ANO7: variants seen among roughly 807,000 people sequenced by gnomAD.
ANO7 encodes the protein anoctamin 7.
In ANO7, 114 loss-of-function variants were observed where a neutral mutation model predicts 115.8. That is an observed-to-expected ratio of 0.98 (90% confidence interval 0.85 to 1.15). The LOEUF is 1.15. Among genes scored for constraint, ANO7 ranks in the 50% most tolerant of loss-of-function variants. The pLI is 0.00. For missense variants in ANO7, 1,302 were observed against 1,201.2 expected, an observed-to-expected ratio of 1.08 and a Z score of -1.24; for synonymous variants, 550 against 498.2, an observed-to-expected ratio of 1.10 and a Z score of -1.38.
rs189111253 is a variant in ANO7, at chr2:241,208,966, G to C, written c.1078-319G>C. ...AGATCGAGACCATCCTGGCTAACAC[G>C]GTGAAACCTCGTCTCTACTAAAAAT... On this transcript the variant is annotated intron_variant, in intron 11 of 24. Coordinates refer to ENST00000674324, the MANE Select transcript of ANO7 (RefSeq NM_001370694.2). Among the ~76,000 whole-genome samples, 53 of 152,228 alleles carry C rather than the reference G, an allele frequency of 3.5e-4. No individual in the cohort carries two copies. In the East Asian group the frequency reaches 9.9e-3, roughly 28 times the overall value.
chr2:241,237,105 A>G, the ANO7 span, among the ~76,000 whole-genome samples: 1 of 152,026 alleles, frequency 6.6e-6, no homozygotes, highest in African/African-American at 2.4e-5. Context: ...AGATCAGATG[A>G]GTTAGTTCAT....
chr2:241,233,755 T>C, the ANO7 span: 1 of 1,596,110 alleles, frequency 6.3e-7, no homozygotes, highest in Non-Finnish European at 8.6e-7. The surrounding 1 kb of genome is among the most constrained non-coding windows in gnomAD (Gnocchi z 4.3). Context: ...TGGTTACTGC[T>C]CCCAAGTCAC....
Position 241,210,572 on chromosome 2 carries a change from T to C in ANO7, c.1561+2T>C. 1 of 1,612,846 alleles carries C rather than the reference T, an allele frequency of 6.2e-7. No homozygotes were observed. Among genetic ancestry groups the C allele is most frequent in the African/African-American group, 1.3e-5 (1 of 75,020 alleles). On this transcript the variant is annotated splice_donor_variant, in intron 15 of 24. Transcript: ENST00000674324. LOFTEE classifies it high-confidence loss of function. ...TGGCCCACGTCCTGACACGATGGGGTGAGTGGGCTGAGGCCGGCCAGGCAC... is the reference window on the plus strand; with the variant it reads ...TGGCCCACGTCCTGACACGATGGGGCGAGTGGGCTGAGGCCGGCCAGGCAC...
At chr2:241,236,986 G>T in the ANO7 span, among the ~76,000 whole-genome samples, 9 of 150,370 alleles carry the variant, frequency 6.0e-5, no homozygotes, top group South Asian at 2.2e-4. Context: ...TTGGGGGGGG[G>T]GGGGGGGGCG....
rs1033773741 is a variant in ANO7 at position 241,210,518 on chromosome 2, C to T, written c.1509C>T (p.Ile503=). ...GGTCTGTAGTGAACCTCGTCTTCAT[C>T]CTCATCCTCTCCAAGATCTATGTAT... ...LTGSVVNLVF[I]LILSKIYVSL... is the part of the protein sequence containing the mutation. Residue 503 remains isoleucine (I), a synonymous_variant, in exon 15 of 25, where the codon ATC becomes ATT. Transcript: ENST00000674324. 3 of 1,613,858 alleles carry T rather than the reference C, an allele frequency of 1.9e-6. No individual in the cohort carries two copies. Among genetic ancestry groups the T allele is most frequent in the Non-Finnish European group, 1.7e-6 (2 of 1,179,974 alleles).
downstream of ANO7, chr2:241,229,342 C>A: frequency 2.5e-6 from 1 of 398,860 alleles, no homozygotes; most frequent in Non-Finnish European, 4.7e-6. Flanking sequence ...GGACCAGGAG[C>A]TGGAGTCTGT....
At chr2:241,204,384 C>T (rs1487996645) in intron 9 of ANO7, among the ~76,000 whole-genome samples, 4 of 118,160 alleles carry the variant, frequency 3.4e-5, no homozygotes, top group African/African-American at 1.3e-4. Flanking sequence ...CCTGGGGTAA[C>T]TGAGGGATTG....
intron 15 of ANO7, 48 bp downstream of exon 15, chr2:241,210,618 C>G: frequency 6.6e-7 from 1 of 1,508,626 alleles, no homozygotes; most frequent in South Asian, 1.1e-5. Context: ...CCCACCCTGC[C>G]GGCCGCCAGC....
chr2:241,206,922 A>T (rs2068605347), intron 10 of ANO7, among the ~76,000 whole-genome samples: 1 of 128,888 alleles, frequency 7.8e-6, no homozygotes, highest in Non-Finnish European at 1.6e-5. Context: ...ACAAGTGGAC[A>T]GGAGTGCTCC....
rs768821320 is a variant in ANO7, at chr2:241,202,252, T to A, written c.671T>A (p.Ile224Asn). ...YGHEKKNLLG[I>N]HQLLAEGVLS... ...CACGAGAAGAAAAACCTGCTTGGGATCCACCAGCTGCTGGCAGAGGGTGTC... is the reference window on the plus strand; with the variant it reads ...CACGAGAAGAAAAACCTGCTTGGGAACCACCAGCTGCTGGCAGAGGGTGTC... Residue 224 changes from isoleucine (I) to asparagine (N), a missense_variant, in exon 8 of 25, where the codon ATC (isoleucine) becomes AAC (asparagine). Physicochemically the swap from Ile to Asn is moderately radical, Grantham distance 149 (BLOSUM62 -3). Coordinates refer to ENST00000674324, the MANE Select transcript of ANO7 (RefSeq NM_001370694.2). The A allele has an allele frequency of 9.9e-6, 16 of 1,613,554 alleles. No homozygotes were observed. The highest frequency in any genetic ancestry group is 6.7e-5 in the Admixed American group (4 of 60,000).
chr2:241,230,582 T>A (rs1275214670), downstream of ANO7, among the ~76,000 whole-genome samples: 1 of 152,210 alleles, frequency 6.6e-6, no homozygotes, highest in Non-Finnish European at 1.5e-5. This position sits in a 1 kb window ranked among gnomAD's most constrained non-coding sequence, Gnocchi z 5.0. Flanking sequence ...CAGTGCAGCC[T>A]CACACAGGCC....
chr2:241,203,301 G>C lies in ANO7; in HGVS notation c.724-32G>C. 2 of 1,484,104 alleles carry C rather than the reference G, an allele frequency of 1.3e-6. No homozygotes were observed. The highest frequency in any genetic ancestry group is 1.8e-6 in the Non-Finnish European group (2 of 1,116,762). The allele number at this position is 1,484,104 out of a possible 1,614,324, so 91.9% of individuals were successfully genotyped here. A position where few individuals can be genotyped will look rare whatever the true frequency, so the allele number is the denominator to read the frequency against. On this transcript the variant is annotated intron_variant, in intron 8 of 24. Transcript: ENST00000674324. This position sits in a 1 kb window ranked among gnomAD's most constrained non-coding sequence, Gnocchi z 4.8. The stretch of plus-strand genomic sequence containing the variant: ...CAGTGCCCAGTGGGGTCAGCTGGGG[G>C]AGCCTCCCACCCACAGGCCGCTCGC...
chr2:241,238,009 G>A, the ANO7 span, among the ~76,000 whole-genome samples: 3 of 152,248 alleles, frequency 2.0e-5, no homozygotes, highest in East Asian at 5.8e-4. This position sits in a 1 kb window ranked among gnomAD's most constrained non-coding sequence, Gnocchi z 4.9. Flanking sequence ...CGCCCAAACA[G>A]CTCAACCAAG....
chr2:241,194,179 A>ATTTTT (rs59855055), intron 3 of ANO7, among the ~76,000 whole-genome samples: 2,401 of 123,834 alleles, frequency 0.019, 115 homozygotes, highest in East Asian at 0.16. Flanking sequence ...CTGGCCTTTA[A>ATTTTT]TTTTTTTTTT....
chr2:241,224,901 G>C lies in ANO7; in HGVS notation c.*748G>C, dbSNP rs947653567. On this transcript the variant is annotated 3_prime_UTR_variant, in exon 25 of 25. Transcript: ENST00000674324. ...TGGCCCCTGGCCCAGGGCCCCTCTTGCTGTTTTTACCTCTGTTCCTTGGGG... is the reference window on the plus strand; with the variant it reads ...TGGCCCCTGGCCCAGGGCCCCTCTTCCTGTTTTTACCTCTGTTCCTTGGGG... The C allele has an allele frequency of 6.6e-6, 1 of 152,300 alleles. No homozygotes were observed. The highest frequency in any genetic ancestry group is 1.5e-5 in the Non-Finnish European group (1 of 68,104). The allele number at this position is 152,300 out of a possible 1,614,324, so 9.4% of individuals were successfully genotyped here.
Position 241,224,429 on chromosome 2 carries a change from C to A in ANO7, c.*276C>A. The stretch of plus-strand genomic sequence containing the variant: ...CCAAGGGGCCCCTGCACCCAAGGGA[C>A]CCTGTCCCTCGGTGGCCTCCCCAGG... On this transcript the variant is annotated 3_prime_UTR_variant, in exon 25 of 25. Coordinates refer to ENST00000674324, the MANE Select transcript of ANO7 (RefSeq NM_001370694.2). The A allele has an allele frequency of 4.1e-6, 2 of 487,384 alleles. No homozygotes were observed. The highest frequency in any genetic ancestry group is 4.7e-5 in the South Asian group (2 of 42,626). 30.2% of individuals were successfully genotyped at this position (487,384 alleles called of 1,614,324 possible). A position where few individuals can be genotyped will look rare whatever the true frequency, so the allele number is the denominator to read the frequency against.
chr2:241,215,408 C>T lies in ANO7; in HGVS notation c.1826+506C>T, dbSNP rs116070381. On this transcript the variant is annotated intron_variant, in intron 18 of 24. Transcript: ENST00000674324. ...AAAGAGGCTGCCCAGGGCCTCGCCT[C>T]CCGCTCAAGGCCAGACTGACCTGAA... Among the ~76,000 whole-genome samples the T allele has an allele frequency of 6.7e-3, 1,020 of 152,338 alleles. 12 individuals are homozygous for T. The highest frequency in any genetic ancestry group is 0.023 in the African/African-American group (956 of 41,580).
At position 241,217,222 on chromosome 2, in the gene ANO7, G is replaced by A. The variant is rs1396448641; in HGVS notation, c.1973-464G>A. ...CGCGGCATCTGTGGAAAGGGAGCAG[G>A]CCAGTTCCCAGGGCGAGGAGTGGAC... On this transcript the variant is annotated intron_variant, in intron 19 of 24. Transcript: ENST00000674324. Among the ~76,000 whole-genome samples, 3 of 152,214 alleles carry A rather than the reference G, an allele frequency of 2.0e-5. No homozygotes were observed. The East Asian group carries it at 5.8e-4, about 29-fold the overall frequency.
chr2:241,203,777 A>C lies in ANO7; in HGVS notation c.889+279A>C, dbSNP rs182938507. ...GGGTCTCTCCTGACTCCCTCCCCGA[A>C]TGTCACTGGCCCATGAGGCCCTGGG... On this transcript the variant is annotated intron_variant, in intron 9 of 24. Coordinates refer to ENST00000674324, the MANE Select transcript of ANO7 (RefSeq NM_001370694.2). This position sits in a 1 kb window ranked among gnomAD's most constrained non-coding sequence, Gnocchi z 4.8. Among the ~76,000 whole-genome samples, 393 of 152,094 alleles carry C rather than the reference A, an allele frequency of 2.6e-3. 2 individuals carry two copies. Among genetic ancestry groups the C allele is most frequent in the African/African-American group, 9.0e-3 (375 of 41,508 alleles).
Sources: allele counts gnomAD v4.1 joint callset (sites outside exome capture counted in the v4.1 genomes callset), GRCh38; gene constraint gnomAD v4.1.1; non-coding constraint Gnocchi (gnomAD v3.1); transcripts MANE v1.5; gene names NCBI Gene and HGNC (gene_info 2026-07-23, HGNC 2026-07-21).